TOX: variants seen among roughly 807,000 people sequenced by gnomAD.
TOX encodes the protein thymocyte selection-associated high mobility group box protein TOX.
Under a neutral mutation model 53.7 loss-of-function variants are expected in TOX, and 11 were observed. That is an observed-to-expected ratio of 0.20 (90% CI 0.13 to 0.34). TOX has a LOEUF of 0.34. Among genes scored for constraint, TOX ranks in the 10% least tolerant of loss-of-function variants. The pLI, the probability that TOX is intolerant of heterozygous loss-of-function variation, is 1.00. For synonymous variants in TOX, 225 were observed against 245.3 expected (o/e 0.92, Z 0.77); for missense variants, 570 against 664.6 (o/e 0.86, Z 1.56).
At chr8:58,852,880 C>T (rs1210221103) in intron 3 of TOX, among the ~76,000 whole-genome samples, 2 of 152,176 alleles carry the variant, frequency 1.3e-5, no homozygotes, top group African/African-American at 4.8e-5. Flanking sequence ...AAAAGAAAAT[C>T]CCACAAAGTA....
chr8:58,854,626 C>G (rs1285103237), intron 3 of TOX, among the ~76,000 whole-genome samples: 2 of 152,092 alleles, frequency 1.3e-5, no homozygotes, highest in African/African-American at 2.4e-5. Context: ...ACAGTCTCAT[C>G]ATTAGTTCAA....
At chr8:58,831,430 A>G (rs1298502969) in intron 5 of TOX, among the ~76,000 whole-genome samples, 2 of 152,194 alleles carry the variant, frequency 1.3e-5, no homozygotes, top group Non-Finnish European at 2.9e-5. Context: ...CATGCACTCT[A>G]TATATTACCT....
intron 3 of TOX, among the ~76,000 whole-genome samples, chr8:58,911,356 A>G (rs1811905011): frequency 6.6e-6 from 1 of 152,236 alleles, no homozygotes. Flanking sequence ...AAATATCTAC[A>G]TATAATTGGA....
At chr8:59,006,324 A>G (rs1813791949) in intron 1 of TOX, among the ~76,000 whole-genome samples, 1 of 152,246 alleles carries the variant, frequency 6.6e-6, no homozygotes, top group East Asian at 1.9e-4. Flanking sequence ...ATGCTGTTTC[A>G]CTAACGCACT....
intron 3 of TOX, among the ~76,000 whole-genome samples, chr8:58,928,730 A>G (rs111509796): frequency 0.011 from 1,624 of 152,298 alleles, 29 homozygotes; most frequent in African/African-American, 0.037. Context: ...GTTTTTAGCA[A>G]TAAACTTTAT....
intron 3 of TOX, among the ~76,000 whole-genome samples, chr8:58,870,655 G>C (rs1811181874): frequency 6.6e-6 from 1 of 152,006 alleles, no homozygotes; most frequent in African/African-American, 2.4e-5. Context: ...CAATAATGTG[G>C]ACACCATGGT....
chr8:58,993,167 T>G (rs1292184054), intron 1 of TOX, among the ~76,000 whole-genome samples: 1 of 152,040 alleles, frequency 6.6e-6, no homozygotes, highest in Non-Finnish European at 1.5e-5. Context: ...GACAGAACAG[T>G]GAAGGGTTTC....
chr8:59,078,964 A>G (rs958185103), intron 1 of TOX, among the ~76,000 whole-genome samples: 6 of 152,252 alleles, frequency 3.9e-5, no homozygotes, highest in Admixed American at 3.9e-4. Flanking sequence ...GTTAGCTAGC[A>G]AAGAGCTTGG....
chr8:58,959,618 A>G (rs1947178), intron 2 of TOX, among the ~76,000 whole-genome samples: 102,964 of 152,178 alleles, frequency 0.68, 36,540 homozygotes, highest in East Asian at 0.84. Context: ...TGATTAAATC[A>G]TCTACAGTCA....
intron 3 of TOX, among the ~76,000 whole-genome samples, chr8:58,895,452 T>A (rs1811628504): frequency 6.6e-6 from 1 of 152,178 alleles, no homozygotes; most frequent in South Asian, 2.1e-4. Flanking sequence ...TTAAAAGGAA[T>A]ACAAAAATCA....
chr8:59,098,188 G>T (rs1804746485), intron 1 of TOX, among the ~76,000 whole-genome samples: 2 of 152,212 alleles, frequency 1.3e-5, no homozygotes, highest in Middle Eastern at 3.2e-3. Context: ...ACAGCACAGA[G>T]AGTGAACGCC....
chr8:58,899,010 G>A (rs139106062), intron 3 of TOX, among the ~76,000 whole-genome samples: 17 of 152,324 alleles, frequency 1.1e-4, no homozygotes, highest in African/African-American at 3.1e-4. Flanking sequence ...TAATCAGGGT[G>A]CAGCCCTGCC....
At chr8:59,072,479 C>T (rs1250281160) in intron 1 of TOX, among the ~76,000 whole-genome samples, 2 of 152,122 alleles carry the variant, frequency 1.3e-5, no homozygotes. Flanking sequence ...CTGCCTGATG[C>T]ACAGGATATT....
intron 1 of TOX, among the ~76,000 whole-genome samples, chr8:59,043,458 T>C (rs1267004047): frequency 6.6e-6 from 1 of 151,994 alleles, no homozygotes; most frequent in African/African-American, 2.4e-5. Context: ...AAATCAGAAC[T>C]TAATAAAATA....
At chr8:58,816,027 T>C (rs28460220) in intron 6 of TOX, among the ~76,000 whole-genome samples, 1 of 151,866 alleles carries the variant, frequency 6.6e-6, no homozygotes, top group Non-Finnish European at 1.5e-5. Context: ...TTGTGGAGGG[T>C]GGGGGACGGG....
At chr8:58,942,669 T>G (rs1323481996) in intron 2 of TOX, among the ~76,000 whole-genome samples, 1 of 152,212 alleles carries the variant, frequency 6.6e-6, no homozygotes, top group Non-Finnish European at 1.5e-5. Flanking sequence ...TTCTATGACA[T>G]GAGAGCTTTA....
chr8:58,897,845 T>C (rs1404860473), intron 3 of TOX, among the ~76,000 whole-genome samples: 1 of 152,126 alleles, frequency 6.6e-6, no homozygotes, highest in Non-Finnish European at 1.5e-5. Context: ...ACTAGTGACT[T>C]GGCAATCCAT....
At chr8:58,966,579 G>T (rs912295515) in intron 1 of TOX, among the ~76,000 whole-genome samples, 3 of 152,086 alleles carry the variant, frequency 2.0e-5, no homozygotes, top group Non-Finnish European at 4.4e-5. Flanking sequence ...CAACTTAGAA[G>T]CTGGACTCCA....
intron 1 of TOX, among the ~76,000 whole-genome samples, chr8:59,084,402 T>C (rs1804472451): frequency 6.6e-6 from 1 of 152,122 alleles, no homozygotes; most frequent in African/African-American, 2.4e-5. Flanking sequence ...TATTAGTCAG[T>C]TTTTAAGTGA....
Sources: gnomAD v4.1 joint callset for allele counts (sites outside exome capture counted in the v4.1 genomes callset) on GRCh38, gnomAD v4.1.1 for gene constraint, MANE v1.5 for transcripts, NCBI Gene and HGNC (gene_info 2026-07-23, HGNC 2026-07-21) for gene names.